The following ARHGAP26 variants were observed in gnomAD, a reference collection of about 807,000 sequenced individuals.
ARHGAP26 encodes the protein rho GTPase-activating protein 26.
A neutral mutation model predicts 104.8 loss-of-function variants in ARHGAP26; 38 were observed. That is an observed-to-expected ratio of 0.36 (90% CI 0.28 to 0.48). ARHGAP26 has a LOEUF of 0.48. ARHGAP26 is among the 20% of genes least tolerant of loss of function. The pLI is 0.99. For missense variants in ARHGAP26, 704 were observed against 947.9 expected (o/e 0.74, Z 3.38); for synonymous variants, 341 against 340.0 (o/e 1.00, Z -0.03).
intron 1 of ARHGAP26, among the ~76,000 whole-genome samples, chr5:142,782,922 G>T (rs1216123161): frequency 1.3e-5 from 2 of 152,146 alleles, no homozygotes; most frequent in African/African-American, 2.4e-5. Flanking sequence ...TCCCCTAACT[G>T]CAGATTCTCT....
In ARHGAP26 at chr5:142,972,008, T is replaced by C. The variant is rs573474704; in HGVS notation, c.1107+39883T>C. On this transcript the variant is annotated intron_variant, in intron 11 of 22. Coordinates refer to ENST00000645722, the MANE Select transcript of ARHGAP26 (RefSeq NM_001135608.3). The stretch of plus-strand genomic sequence containing the variant: ...ACCAGCCTGGCCAACATGGTGAAAC[T>C]CCTTCTCTACTAAAAATACAAAAAT... 1.1e-4 allele frequency among the ~76,000 whole-genome samples: 16 copies of C among 151,976 alleles called. No individual in the cohort carries two copies. The South Asian group carries it at 3.1e-3, about 30-fold the overall frequency.
intron 11 of ARHGAP26, among the ~76,000 whole-genome samples, chr5:142,985,211 C>T (rs1774505128): frequency 1.3e-5 from 2 of 152,038 alleles, no homozygotes; most frequent in African/African-American, 4.8e-5. Context: ...TACTTTTGTA[C>T]AGCTGTACAA....
chr5:142,849,292 C>G (rs1242787864), intron 1 of ARHGAP26, among the ~76,000 whole-genome samples: 1 of 152,162 alleles, frequency 6.6e-6, no homozygotes, highest in Non-Finnish European at 1.5e-5. Context: ...AAGACAGGTT[C>G]TCACACCAAA....
intron 20 of ARHGAP26, among the ~76,000 whole-genome samples, chr5:143,177,011 T>C (rs182559130): frequency 1.4e-4 from 21 of 152,360 alleles, no homozygotes; most frequent in Admixed American, 1.0e-3. Context: ...CTGGCACTCA[T>C]CTGTCATTAC....
intron 6 of ARHGAP26, among the ~76,000 whole-genome samples, chr5:142,900,029 G>A (rs1322749671): frequency 6.6e-6 from 1 of 152,194 alleles, no homozygotes; most frequent in African/African-American, 2.4e-5. Flanking sequence ...TATCTTCTGC[G>A]TTATTCTCAA....
In ARHGAP26 at chr5:143,228,838, CT is replaced by C. The variant is rs1811856076; in HGVS notation, c.*6396del. On this transcript the variant is annotated 3_prime_UTR_variant, in exon 23 of 23. Coordinates refer to ENST00000645722, the MANE Select transcript of ARHGAP26 (RefSeq NM_001135608.3). Reference sequence around the variant, plus strand: ...TAGTAGCCCTGTTGCCATGTTCAGGCTTTTAAAAAATGCTTTTGTGTCACCA... The same window carrying C: ...TAGTAGCCCTGTTGCCATGTTCAGGCTTTAAAAAATGCTTTTGTGTCACCA... 7 of 191,160 alleles carry C rather than the reference CT, an allele frequency of 3.7e-5. No individual in the cohort carries two copies. The East Asian group carries it at 5.8e-4, about 16-fold the overall frequency. The allele number at this position is 191,160 out of a possible 1,614,324, so 11.8% of individuals were successfully genotyped here. A position where few individuals can be genotyped will look rare whatever the true frequency, so the allele number is the denominator to read the frequency against.
Position 143,228,359 on chromosome 5 carries a change from A to T in ARHGAP26, c.*5913A>T, listed in dbSNP as rs1811823098. ...TACAGCCTTTAAGACTCGGAGGTTGAGAATTAGAGACACAAGAGAGGCTGT... is the reference window on the plus strand; with the variant it reads ...TACAGCCTTTAAGACTCGGAGGTTGTGAATTAGAGACACAAGAGAGGCTGT... On this transcript the variant is annotated 3_prime_UTR_variant, in exon 23 of 23. Transcript: ENST00000645722. 1 of 223,494 alleles carries T rather than the reference A, an allele frequency of 4.5e-6. No homozygotes were observed. The highest frequency in any genetic ancestry group is 8.9e-6 in the Non-Finnish European group (1 of 112,042). The allele number at this position is 223,494 out of a possible 1,614,324, so 13.8% of individuals were successfully genotyped here. A position where few individuals can be genotyped will look rare whatever the true frequency, so the allele number is the denominator to read the frequency against.
intron 11 of ARHGAP26, chr5:142,969,500 T>C (rs35291): frequency 0.38 from 58,144 of 152,050 alleles, 12,427 homozygotes; most frequent in East Asian, 0.78. Flanking sequence ...TTTAAACAAA[T>C]AAAGCTTGAT....
At chr5:143,041,069 A>G (rs955060128) in intron 13 of ARHGAP26, among the ~76,000 whole-genome samples, 1 of 152,366 alleles carries the variant, frequency 6.6e-6, no homozygotes, top group Admixed American at 6.5e-5. Flanking sequence ...GGGGTCAGAT[A>G]TGATGGGCCT....
At chr5:142,956,394 A>C (rs1769236519) in intron 11 of ARHGAP26, among the ~76,000 whole-genome samples, 1 of 152,068 alleles carries the variant, frequency 6.6e-6, no homozygotes, top group South Asian at 2.1e-4. Context: ...TGGACAACAC[A>C]GCAAGAACTG....
At chr5:142,810,422 CTGT>C (rs1763833999) in intron 1 of ARHGAP26, among the ~76,000 whole-genome samples, 1 of 152,208 alleles carries the variant, frequency 6.6e-6, no homozygotes, top group Admixed American at 6.5e-5. Context: ...AGGTCAAGTC[CTGT>C]TGTTAACTTC....
At chr5:143,101,813 G>A (rs971981476) in intron 17 of ARHGAP26, among the ~76,000 whole-genome samples, 2 of 151,822 alleles carry the variant, frequency 1.3e-5, no homozygotes, top group African/African-American at 2.4e-5. Context: ...ACAAGATAGG[G>A]AGAGAAGCTG....
chr5:142,808,471 G>A (rs752297030), intron 1 of ARHGAP26, among the ~76,000 whole-genome samples: 2 of 148,628 alleles, frequency 1.3e-5, no homozygotes, highest in Non-Finnish European at 3.0e-5. Context: ...TTTAACATTT[G>A]CCATAGTTTA....
At chr5:142,904,774 T>C (rs1265778131) in intron 8 of ARHGAP26, among the ~76,000 whole-genome samples, 1 of 152,224 alleles carries the variant, frequency 6.6e-6, no homozygotes, top group Non-Finnish European at 1.5e-5. Context: ...CCTAGTCCTT[T>C]GGTAGAGAAC....
At chr5:142,828,667 G>T (rs1767781281) in intron 1 of ARHGAP26, among the ~76,000 whole-genome samples, 1 of 152,196 alleles carries the variant, frequency 6.6e-6, no homozygotes, top group Non-Finnish European at 1.5e-5. Context: ...ACCATGTGCA[G>T]GGTACTGGTG....
At chr5:143,128,819 G>T (rs776609599) in intron 18 of ARHGAP26, among the ~76,000 whole-genome samples, 17 of 152,146 alleles carry the variant, frequency 1.1e-4, no homozygotes, top group South Asian at 4.1e-4. Flanking sequence ...TTTCTGTTTT[G>T]CTTTGTAATC....
chr5:142,779,723 A>G (rs1757114539), intron 1 of ARHGAP26, among the ~76,000 whole-genome samples: 1 of 152,240 alleles, frequency 6.6e-6, no homozygotes. Flanking sequence ...CTGAGACTTC[A>G]GATAGATCTC....
intron 1 of ARHGAP26, among the ~76,000 whole-genome samples, chr5:142,838,057 G>A (rs568262101): frequency 1.2e-4 from 18 of 152,122 alleles, no homozygotes; most frequent in Admixed American, 3.3e-4. Context: ...TCAGGGGTTC[G>A]AGACCAACAT....
chr5:142,829,604 G>A lies in ARHGAP26; in HGVS notation c.155-43796G>A, dbSNP rs75328516. On this transcript the variant is annotated intron_variant, in intron 1 of 22. Coordinates refer to ENST00000645722, the MANE Select transcript of ARHGAP26 (RefSeq NM_001135608.3). ...GATATAATTGGTATTTATCTCTGTG[G>A]CCTGCTTGCCGCACTGGATTAAAAC... Among the ~76,000 whole-genome samples the A allele has an allele frequency of 5.3e-3, 811 of 152,360 alleles. 5 individuals carry two copies. Among genetic ancestry groups the A allele is most frequent in the African/African-American group, 0.019 (779 of 41,582 alleles).
Sources: gnomAD v4.1 joint callset for allele counts (sites outside exome capture counted in the v4.1 genomes callset) on GRCh38, gnomAD v4.1.1 for gene constraint, MANE v1.5 for transcripts, NCBI Gene and HGNC (gene_info 2026-07-23, HGNC 2026-07-21) for gene names.